NDRG3: variants seen among roughly 807,000 people sequenced by gnomAD.
NDRG3 encodes the protein NDRG family member 3, also known as protein NDRG3.
In NDRG3, 23 loss-of-function variants were observed where a neutral mutation model predicts 57.2. The observed-to-expected ratio is 0.40, with a 90% CI of 0.29 to 0.57. The LOEUF is 0.57. Among genes scored for constraint, NDRG3 ranks in the 20% least tolerant of loss-of-function variants. The pLI is 0.42. For synonymous variants in NDRG3, 132 were observed against 162.6 expected (o/e 0.81, Z 1.43); for missense variants, 384 against 457.3 (o/e 0.84, Z 1.46).
At chr20:36,691,975 A>G (rs770090041) in intron 3 of NDRG3, among the ~76,000 whole-genome samples, 1 of 152,206 alleles carries the variant, frequency 6.6e-6, no homozygotes, top group Non-Finnish European at 1.5e-5. Flanking sequence ...GAGGCACACA[A>G]TAAACACAGA....
rs545559046 is a variant in NDRG3 at position 36,725,324 on chromosome 20, A to C, written c.-48-3541T>G. Among the ~76,000 whole-genome samples the C allele has an allele frequency of 1.4e-4, 21 of 150,664 alleles. 1 individual carries two copies. The highest frequency in any genetic ancestry group is 5.1e-4 in the African/African-American group (21 of 40,958). On this transcript the variant is annotated intron_variant, in intron 1 of 15. Transcript: ENST00000349004. ...AAAACAGAAAAGAAGAAAATATGGA[A>C]ATTGGCCGGGAATGGTGGCTCACGC...
At chr20:36,674,570 T>C (rs1980482662) in intron 8 of NDRG3, among the ~76,000 whole-genome samples, 1 of 150,532 alleles carries the variant, frequency 6.6e-6, no homozygotes, top group African/African-American at 2.5e-5. Flanking sequence ...ACTTATTGAA[T>C]CTCATGGTTT....
In NDRG3 at chr20:36,686,881, T is replaced by A. The variant is rs114138376; in HGVS notation, c.320+611A>T. ...GACACAAAAATGACAGGTTTTTTTG[T>A]TTGTTTGTTTTCTTTCTGGGGACAG... On this transcript the variant is annotated intron_variant, in intron 5 of 15. Transcript: ENST00000349004. 5.3e-3 allele frequency among the ~76,000 whole-genome samples: 805 copies of A among 152,132 alleles called. 9 individuals are homozygous for A. The highest frequency in any genetic ancestry group is 0.018 in the African/African-American group (751 of 41,500).
At chr20:36,712,587 ATTT>A (rs71186015) in intron 2 of NDRG3, among the ~76,000 whole-genome samples, 1 of 5,912 alleles carries the variant, frequency 1.7e-4, no homozygotes, top group Non-Finnish European at 3.1e-4. Context: ...ATATATATAT[ATTT>A]TTTTTTTTTT....
Position 36,660,388 on chromosome 20 carries a change from A to C in NDRG3, c.811-4T>G. 1 of 1,607,762 alleles carries C rather than the reference A, an allele frequency of 6.2e-7. No homozygotes were observed. Among genetic ancestry groups the C allele is most frequent in the South Asian group, 1.1e-5 (1 of 90,594 alleles). On this transcript the variant is annotated splice_polypyrimidine_tract_variant and splice_region_variant and intron_variant, in intron 12 of 15. Transcript: ENST00000349004. ...TCAGGCGGGAATTGCATTCGACCTA[A>C]AATTTAAAAAAAGAGAAGAAAATAA... is the stretch of plus-strand genomic sequence containing the variant.
intron 9 of NDRG3, among the ~76,000 whole-genome samples, chr20:36,669,585 G>A (rs1232591623): frequency 1.3e-5 from 2 of 151,492 alleles, no homozygotes; most frequent in African/African-American, 2.4e-5. Context: ...GGCTGGACTC[G>A]AACTCCCAAC....
chr20:36,687,562 T>G lies in NDRG3; in HGVS notation c.250A>C (p.Thr84Pro). Reference protein sequence around the residue: ...FFNFEDMQEITQHFAVCHVDA... With the variant: ...FFNFEDMQEIPQHFAVCHVDA... ...ACATGACAGACAGCAAAGTGCTGGG[T>G]GATCTCTTGCATATCCTCAAAGTTA... The change falls in exon 5 of 16, where the codon ACC becomes CCC. Residue 84 changes from threonine (T) to proline (P), a missense_variant. Coordinates refer to ENST00000349004, the MANE Select transcript of NDRG3 (RefSeq NM_032013.4). 8 of 1,614,104 alleles carry G rather than the reference T, an allele frequency of 5.0e-6. No individual in the cohort carries two copies. The highest frequency in any genetic ancestry group is 6.8e-6 in the Non-Finnish European group (8 of 1,179,978).
chr20:36,706,859 G>A, intron 3 of NDRG3, 113 bp downstream of exon 3: 1 of 859,562 alleles, frequency 1.2e-6, no homozygotes, highest in South Asian at 1.8e-5. Context: ...CGAACATTAA[G>A]GACTCATTAT....
chr20:36,694,921 C>T (rs1982647892), intron 3 of NDRG3, among the ~76,000 whole-genome samples: 1 of 152,136 alleles, frequency 6.6e-6, no homozygotes, highest in Admixed American at 6.6e-5. Context: ...CCATGCTCGG[C>T]TAATTTTTGT....
chr20:36,727,743 G>A lies in NDRG3; in HGVS notation c.-48-5960C>T, dbSNP rs542066591. ...TTTTTAGTAGAGACGGAGTTTCACCGTGTTAGCCAGGATGGTCTCGATCTC... is the reference window on the plus strand; with the variant it reads ...TTTTTAGTAGAGACGGAGTTTCACCATGTTAGCCAGGATGGTCTCGATCTC... On this transcript the variant is annotated intron_variant, in intron 1 of 15. Transcript: ENST00000349004. Among the ~76,000 whole-genome samples, 16 of 151,668 alleles carry A rather than the reference G, an allele frequency of 1.1e-4. No individual in the cohort carries two copies. In the East Asian group the frequency reaches 2.4e-3, roughly 22 times the overall value.
At chr20:36,736,453 C>A (rs1055727306) in intron 1 of NDRG3, among the ~76,000 whole-genome samples, 5 of 152,264 alleles carry the variant, frequency 3.3e-5, no homozygotes, top group Non-Finnish European at 7.4e-5. Flanking sequence ...AACTAGCATG[C>A]GGATTCCTAG....
At position 36,676,914 on chromosome 20, in the gene NDRG3, C is replaced by A. The variant is rs560224261; in HGVS notation, c.531+3902G>T. ...GGACCAGAGCCGCAGACCCAGGCCT[C>A]CTGCTCTATGGAGCAAGCAGGATCC... On this transcript the variant is annotated intron_variant, in intron 8 of 15. Transcript: ENST00000349004. Among the ~76,000 whole-genome samples, 7 of 152,376 alleles carry A rather than the reference C, an allele frequency of 4.6e-5. No individual in the cohort carries two copies. In the South Asian group the frequency reaches 1.2e-3, roughly 27 times the overall value.
intron 7 of NDRG3, 64 bp from the exon 8 acceptor site, chr20:36,680,966 G>T: frequency 7.5e-7 from 1 of 1,341,100 alleles, no homozygotes; most frequent in Non-Finnish European, 1.1e-6. Context: ...TAAACAGTTG[G>T]AACATGGTTG....
intron 2 of NDRG3, among the ~76,000 whole-genome samples, chr20:36,721,024 C>T (rs1182417249): frequency 6.6e-6 from 1 of 151,836 alleles, no homozygotes; most frequent in East Asian, 2.0e-4. Flanking sequence ...GATCCACCTG[C>T]CTTGGCCTCC....
At chr20:36,671,696 G>C (rs1170053263) in intron 8 of NDRG3, among the ~76,000 whole-genome samples, 1 of 151,830 alleles carries the variant, frequency 6.6e-6, no homozygotes, top group African/African-American at 2.4e-5. Flanking sequence ...CTGCTACTCG[G>C]GAGGTTGAGG....
At chr20:36,696,608 C>T (rs1982809579) in intron 3 of NDRG3, among the ~76,000 whole-genome samples, 2 of 152,080 alleles carry the variant, frequency 1.3e-5, no homozygotes. Flanking sequence ...ATTCCCCTGC[C>T]TCAGCCTCCC....
intron 2 of NDRG3, among the ~76,000 whole-genome samples, chr20:36,715,054 A>T (rs1229464127): frequency 1.1e-3 from 119 of 104,174 alleles, no homozygotes; most frequent in African/African-American, 4.0e-3. Context: ...ATATATATAT[A>T]TTATATTTAA....
At chr20:36,740,429 C>T (rs1985871185) in intron 1 of NDRG3, among the ~76,000 whole-genome samples, 1 of 151,414 alleles carries the variant, frequency 6.6e-6, no homozygotes, top group South Asian at 2.1e-4. Context: ...TCACCACAAC[C>T]TCTGCCTCCC....
At chr20:36,704,679 G>C (rs550362797) in intron 3 of NDRG3, among the ~76,000 whole-genome samples, 212 of 152,248 alleles carry the variant, frequency 1.4e-3, no homozygotes, top group Non-Finnish European at 2.5e-3. Flanking sequence ...TATTGTTTTA[G>C]AGGAAAGGAG....
Sources: gnomAD v4.1 joint callset for allele counts (sites outside exome capture counted in the v4.1 genomes callset) on GRCh38, gnomAD v4.1.1 for gene constraint, MANE v1.5 for transcripts, NCBI Gene and HGNC (gene_info 2026-07-23, HGNC 2026-07-21) for gene names.